FARP1: variants seen among roughly 807,000 people sequenced by gnomAD.
FARP1 encodes FERM, ARH/RhoGEF and pleckstrin domain protein 1.
A neutral mutation model predicts 128.8 loss-of-function variants in FARP1; 52 were observed. That is an observed-to-expected ratio of 0.40 (90% CI 0.32 to 0.51). The LOEUF (loss-of-function observed/expected upper bound fraction) is 0.51, where lower values mean the gene tolerates loss of function less well. Ranked by LOEUF, FARP1 falls within the 20% of genes least tolerant of loss-of-function variation. The pLI is 0.45. For missense variants in FARP1, 1,333 were observed against 1,367.9 expected, an observed-to-expected ratio of 0.97 and a Z score of 0.40; for synonymous variants, 580 against 551.8, an observed-to-expected ratio of 1.05 and a Z score of -0.72.
At chr13:98,394,140 C>A (rs958416623) in intron 12 of FARP1, among the ~76,000 whole-genome samples, 5 of 152,158 alleles carry the variant, frequency 3.3e-5, no homozygotes, top group African/African-American at 1.2e-4. Flanking sequence ...CAGAACTGGT[C>A]GGCGAGTTCC....
intron 17 of FARP1, among the ~76,000 whole-genome samples, chr13:98,429,577 A>AT (rs1445145641): frequency 6.6e-6 from 1 of 152,216 alleles, no homozygotes; most frequent in Non-Finnish European, 1.5e-5. Flanking sequence ...CAAGGAAAGA[A>AT]TGTGGAGTGT....
chr13:98,253,464 A>G (rs2139501931), intron 2 of FARP1, among the ~76,000 whole-genome samples: 1 of 152,284 alleles, frequency 6.6e-6, no homozygotes, highest in African/African-American at 2.4e-5. Context: ...AAAGACTTTG[A>G]TGTGAGACAA....
At chr13:98,428,128 A>G (rs1891858050) in intron 17 of FARP1, among the ~76,000 whole-genome samples, 1 of 142,010 alleles carries the variant, frequency 7.0e-6, no homozygotes, top group African/African-American at 2.7e-5. Context: ...CAGACTCTGC[A>G]CACAGGAGTG....
chr13:98,232,141 G>T (rs9517220), intron 2 of FARP1, among the ~76,000 whole-genome samples: 28,828 of 94,614 alleles, frequency 0.3, 4,420 homozygotes, highest in African/African-American at 0.49. Context: ...TTTTTGTTTG[G>T]TTGGTTTTTT....
At chr13:98,261,694 G>C (rs1364167840) in intron 2 of FARP1, among the ~76,000 whole-genome samples, 1 of 152,182 alleles carries the variant, frequency 6.6e-6, no homozygotes, top group African/African-American at 2.4e-5. Flanking sequence ...GTAACATGCT[G>C]TGTAGGTGTG....
At position 98,249,601 on chromosome 13, in the gene FARP1, T is replaced by C. The variant is rs142128754; in HGVS notation, c.171+36188T>C. On this transcript the variant is annotated intron_variant, in intron 2 of 26. Coordinates refer to ENST00000319562, the MANE Select transcript of FARP1 (RefSeq NM_005766.4). ...TTCCCCACCATGTTCTTCACCCAGC[T>C]AATGGCCCATTGATGACACAGAAAT... Among the ~76,000 whole-genome samples the C allele has an allele frequency of 1.1e-4, 17 of 152,286 alleles. No homozygotes were observed. In the East Asian group the frequency reaches 3.3e-3, roughly 29 times the overall value.
At chr13:98,441,711 T>A (rs995067826) in intron 24 of FARP1, among the ~76,000 whole-genome samples, 17 of 152,216 alleles carry the variant, frequency 1.1e-4, no homozygotes, top group Admixed American at 9.2e-4. Flanking sequence ...GTGGCTGGCT[T>A]TGGGGGAAGG....
At chr13:98,167,675 G>A (rs950864966) in intron 1 of FARP1, among the ~76,000 whole-genome samples, 9 of 152,008 alleles carry the variant, frequency 5.9e-5, no homozygotes, top group African/African-American at 1.9e-4. Flanking sequence ...CTCCCAAAGT[G>A]CTAGGATTAC....
intron 1 of FARP1, among the ~76,000 whole-genome samples, chr13:98,190,875 G>A (rs1225238673): frequency 6.6e-6 from 1 of 151,984 alleles, no homozygotes; most frequent in Non-Finnish European, 1.5e-5. Context: ...AGATCTATGA[G>A]TGATCATTCC....
intron 1 of FARP1, among the ~76,000 whole-genome samples, chr13:98,205,995 C>T (rs7318325): frequency 0.21 from 31,403 of 152,098 alleles, 4,763 homozygotes; most frequent in East Asian, 0.67. Flanking sequence ...TAATCTGTTG[C>T]ATGTAACATT....
At chr13:98,258,462 G>C (rs750064382) in intron 2 of FARP1, among the ~76,000 whole-genome samples, 2 of 152,144 alleles carry the variant, frequency 1.3e-5, no homozygotes, top group Non-Finnish European at 2.9e-5. Context: ...CGTGAGCATC[G>C]TGTTTGCTAA....
At chr13:98,249,677 G>T (rs1424080018) in intron 2 of FARP1, among the ~76,000 whole-genome samples, 1 of 152,082 alleles carries the variant, frequency 6.6e-6, no homozygotes, top group East Asian at 1.9e-4. Flanking sequence ...TCTCGGGGAG[G>T]CAGGAAGGTA....
chr13:98,344,054 T>G (rs1212416133), intron 3 of FARP1, among the ~76,000 whole-genome samples, 188 bp downstream of exon 3: 1 of 152,092 alleles, frequency 6.6e-6, no homozygotes, highest in Non-Finnish European at 1.5e-5. Context: ...ATGTTTCAAG[T>G]GCTCAGTCAT....
intron 9 of FARP1, 88 bp from the exon 10 acceptor site, chr13:98,389,869 A>C (rs1224633600): frequency 1.5e-6 from 2 of 1,324,404 alleles, no homozygotes; most frequent in African/African-American, 2.9e-5. Flanking sequence ...ACTTTATCGG[A>C]CAAAGCTATC....
At chr13:98,340,076 A>G (rs148962826) in intron 2 of FARP1, among the ~76,000 whole-genome samples, 2 of 147,590 alleles carry the variant, frequency 1.4e-5, no homozygotes, top group Non-Finnish European at 3.0e-5. Flanking sequence ...TCCACTGTAT[A>G]TTAGTTTTTT....
chr13:98,307,091 G>A (rs1886199504), intron 2 of FARP1, among the ~76,000 whole-genome samples: 1 of 152,224 alleles, frequency 6.6e-6, no homozygotes, highest in Admixed American at 6.5e-5. Context: ...GGACAGAGAT[G>A]AGAGGTCCCT....
chr13:98,290,151 C>G (rs1425434571), intron 2 of FARP1, among the ~76,000 whole-genome samples: 2 of 151,700 alleles, frequency 1.3e-5, no homozygotes, highest in Non-Finnish European at 2.9e-5. Flanking sequence ...GGGGATTTCC[C>G]CCTTGTAGAG....
intron 2 of FARP1, among the ~76,000 whole-genome samples, chr13:98,302,400 C>A (rs754934995): frequency 6.6e-6 from 1 of 152,250 alleles, no homozygotes; most frequent in African/African-American, 2.4e-5. Context: ...TTTTTTCACC[C>A]CTGCCCACAC....
At chr13:98,363,066 C>T (rs1424502966) in intron 3 of FARP1, among the ~76,000 whole-genome samples, 6 of 152,214 alleles carry the variant, frequency 3.9e-5, no homozygotes, top group South Asian at 2.1e-4. Flanking sequence ...CCTGTTCTCA[C>T]GCTGCCAGAC....
Sources: allele counts gnomAD v4.1 joint callset (sites outside exome capture counted in the v4.1 genomes callset), GRCh38; gene constraint gnomAD v4.1.1; transcripts MANE v1.5; gene names NCBI Gene and HGNC (gene_info 2026-07-23, HGNC 2026-07-21).